The following EDARADD variants were observed in gnomAD, a reference collection of about 807,000 sequenced individuals.
EDARADD encodes the protein ectodysplasin-A receptor-associated adapter protein.
EDARADD carries 20 observed loss-of-function variants against 25.6 expected under a neutral mutation model. That is an observed-to-expected ratio of 0.78 (90% CI 0.55 to 1.14). EDARADD has a LOEUF of 1.14. EDARADD is among the 50% of genes most tolerant of loss of function. The pLI is 0.00. For synonymous variants in EDARADD, 86 were observed against 94.4 expected (o/e 0.91, Z 0.52); for missense variants, 225 against 270.1 (o/e 0.83, Z 1.17).
At position 236,483,473 on chromosome 1, in the gene EDARADD, A is replaced by G. The variant is rs1659740689; in HGVS notation, c.*824A>G. On this transcript the variant is annotated 3_prime_UTR_variant, in exon 6 of 6. Transcript: ENST00000334232. ...TAGAGATGGATGGAACAGAAAATAA[A>G]TCTAAATTTGGTGCAAATGCCATTC... The G allele has an allele frequency of 1.5e-5, 16 of 1,036,030 alleles. No homozygotes were observed. In the Admixed American group the frequency reaches 2.6e-4, roughly 17 times the overall value. 64.2% of individuals were successfully genotyped at this position (1,036,030 alleles called of 1,614,324 possible). A position where few individuals can be genotyped will look rare whatever the true frequency, so the allele number is the denominator to read the frequency against.
chr1:236,463,217 C>T (rs961003420), intron 4 of EDARADD, among the ~76,000 whole-genome samples: 4 of 152,192 alleles, frequency 2.6e-5, no homozygotes, highest in Non-Finnish European at 4.4e-5. Flanking sequence ...ACATGTCGAG[C>T]GTGTTGCCTT....
intron 3 of EDARADD, among the ~76,000 whole-genome samples, chr1:236,387,156 G>GC (rs1667366880): frequency 1.8e-5 from 1 of 56,522 alleles, no homozygotes; most frequent in Non-Finnish European, 3.7e-5. Context: ...GGGGGGGTCA[G>GC]CCCCCCGCCC....
At chr1:236,470,753 C>T (rs1336084917) in intron 5 of EDARADD, among the ~76,000 whole-genome samples, 4 of 152,090 alleles carry the variant, frequency 2.6e-5, no homozygotes, top group Admixed American at 6.6e-5. Context: ...GGATTACAGG[C>T]GCCCACCACC....
chr1:236,448,370 G>A (rs998935502), intron 4 of EDARADD, among the ~76,000 whole-genome samples: 1 of 152,204 alleles, frequency 6.6e-6, no homozygotes, highest in Non-Finnish European at 1.5e-5. Flanking sequence ...CCTCCTGGCT[G>A]CCATGGAAGG....
chr1:236,448,517 C>G (rs533851115), intron 4 of EDARADD, among the ~76,000 whole-genome samples: 12 of 152,272 alleles, frequency 7.9e-5, no homozygotes, highest in Admixed American at 7.2e-4. Flanking sequence ...TTCCCTGACT[C>G]CCAAAACCCT....
At chr1:236,391,505 G>A (rs1667425357), upstream of EDARADD, among the ~76,000 whole-genome samples, 1 of 152,182 alleles carries the variant, frequency 6.6e-6, no homozygotes, top group Non-Finnish European at 1.5e-5. Flanking sequence ...CTGAGGCATA[G>A]GGTCTCTTAT....
intron 4 of EDARADD, among the ~76,000 whole-genome samples, chr1:236,465,967 A>G (rs1659175088): frequency 6.6e-6 from 1 of 152,232 alleles, no homozygotes; most frequent in African/African-American, 2.4e-5. Flanking sequence ...TTCTGGCCAG[A>G]CATTGACCTT....
At chr1:236,377,867 A>G (rs951741256) in intron 3 of EDARADD, among the ~76,000 whole-genome samples, 7 of 152,060 alleles carry the variant, frequency 4.6e-5, no homozygotes, top group Admixed American at 4.6e-4. Context: ...AAAAAAAACA[A>G]AAACAGAAAA....
chr1:236,365,713 G>GTT (rs919776723), intron 3 of EDARADD, among the ~76,000 whole-genome samples: 2 of 149,716 alleles, frequency 1.3e-5, no homozygotes, highest in Admixed American at 1.3e-4. Context: ...ATAGTTTTCA[G>GTT]TTGGCCTCCC....
intron 4 of EDARADD, among the ~76,000 whole-genome samples, chr1:236,428,659 C>A (rs1368649836): frequency 1.5e-5 from 2 of 130,432 alleles, no homozygotes; most frequent in Non-Finnish European, 3.5e-5. Flanking sequence ...GACGGGATGG[C>A]GGCCGGGAAG....
At chr1:236,476,592 C>T (rs2103039437) in intron 5 of EDARADD, among the ~76,000 whole-genome samples, 1 of 151,750 alleles carries the variant, frequency 6.6e-6, no homozygotes, top group East Asian at 2.0e-4. Flanking sequence ...GTGGCACGAT[C>T]TCGGTTCACT....
chr1:236,447,843 T>C (rs774660680), intron 4 of EDARADD, among the ~76,000 whole-genome samples: 3 of 144,916 alleles, frequency 2.1e-5, no homozygotes, highest in Admixed American at 6.7e-5. Flanking sequence ...TTTTTTTTCT[T>C]CTTTTTTTTT....
chr1:236,450,153 C>G (rs1211488067), intron 4 of EDARADD, among the ~76,000 whole-genome samples: 1 of 151,836 alleles, frequency 6.6e-6, no homozygotes, highest in Non-Finnish European at 1.5e-5. Flanking sequence ...TGATGAGGGC[C>G]CAGTGTGGTG....
chr1:236,461,254 A>G (rs1480367038), intron 4 of EDARADD, among the ~76,000 whole-genome samples: 2 of 152,212 alleles, frequency 1.3e-5, no homozygotes, highest in African/African-American at 2.4e-5. Flanking sequence ...AAACTTTAGC[A>G]TTGTTATTCT....
At chr1:236,438,903 T>C (rs928032329) in intron 4 of EDARADD, among the ~76,000 whole-genome samples, 12 of 152,210 alleles carry the variant, frequency 7.9e-5, no homozygotes, top group Non-Finnish European at 1.8e-4. Flanking sequence ...GTGTTGTACA[T>C]TCTATAGGTT....
chr1:236,377,722 G>A (rs1346874523), intron 3 of EDARADD, among the ~76,000 whole-genome samples: 1 of 151,660 alleles, frequency 6.6e-6, no homozygotes, highest in Non-Finnish European at 1.5e-5. Flanking sequence ...GCTGGGCATG[G>A]TGGCGCATGT....
Position 236,484,001 on chromosome 1 carries a change from G to T in EDARADD, c.*1352G>T. On this transcript the variant is annotated 3_prime_UTR_variant, in exon 6 of 6. Transcript: ENST00000334232. The surrounding 1 kb of genome is among the most constrained non-coding windows in gnomAD (Gnocchi z 4.1). ...TCTCACCTGACTGTCTGGCTGACCT[G>T]TACAAGTCCTTCATCAAAAACTACC... The T allele has an allele frequency of 7.0e-7, 1 of 1,432,530 alleles. No individual in the cohort carries two copies. Among genetic ancestry groups the T allele is most frequent in the Non-Finnish European group, 9.8e-7 (1 of 1,016,806 alleles). 88.7% of individuals were successfully genotyped at this position (1,432,530 alleles called of 1,614,324 possible).
intron 4 of EDARADD, among the ~76,000 whole-genome samples, chr1:236,434,853 T>G (rs1658199439): frequency 6.6e-6 from 1 of 152,092 alleles, no homozygotes; most frequent in African/African-American, 2.4e-5. Context: ...CTAAGGGGAC[T>G]TGAAAGAAGA....
intron 3 of EDARADD, among the ~76,000 whole-genome samples, chr1:236,359,146 C>G (rs1667016537): frequency 1.3e-5 from 2 of 152,114 alleles, no homozygotes; most frequent in African/African-American, 4.8e-5. Flanking sequence ...CCTTTTTGTC[C>G]TACTAGGATC....
Sources: allele counts gnomAD v4.1 joint callset (sites outside exome capture counted in the v4.1 genomes callset), GRCh38; gene constraint gnomAD v4.1.1; non-coding constraint Gnocchi (gnomAD v3.1); transcripts MANE v1.5; gene names NCBI Gene and HGNC (gene_info 2026-07-23, HGNC 2026-07-21).